The following SYT10 variants were observed in gnomAD, a reference collection of about 807,000 sequenced individuals.
SYT10 encodes synaptotagmin-10.
Under a neutral mutation model 51.1 loss-of-function variants are expected in SYT10, and 31 were observed. The ratio of observed to expected loss-of-function variants is 0.61; its 90% CI spans 0.46 to 0.82. The LOEUF (loss-of-function observed/expected upper bound fraction) is 0.82. Ranked by LOEUF, SYT10 falls within the 40% of genes least tolerant of loss-of-function variation. The pLI, the probability that SYT10 is intolerant of heterozygous loss-of-function variation, is 0.00. For missense variants in SYT10, 603 were observed against 634.0 expected (o/e 0.95, Z 0.53); for synonymous variants, 233 against 225.9 (o/e 1.03, Z -0.28).
At chr12:33,431,231 A>G (rs1866594402) in intron 1 of SYT10, among the ~76,000 whole-genome samples, 1 of 152,182 alleles carries the variant, frequency 6.6e-6, no homozygotes, top group East Asian at 1.9e-4. Flanking sequence ...CATCATTGCT[A>G]ACTTCCCAAG....
chr12:33,385,946 A>G (rs1386490419), intron 3 of SYT10, among the ~76,000 whole-genome samples: 1 of 152,234 alleles, frequency 6.6e-6, no homozygotes, highest in Admixed American at 6.5e-5. Context: ...ATGTAAGTGG[A>G]ATAACTTCAA....
intron 4 of SYT10, among the ~76,000 whole-genome samples, chr12:33,384,594 T>A (rs1425353342): frequency 6.6e-6 from 1 of 152,244 alleles, no homozygotes; most frequent in Non-Finnish European, 1.5e-5. Context: ...AAGCATGATG[T>A]ATCTTTATCT....
At chr12:33,379,401 G>A (rs1866093490) in intron 6 of SYT10, among the ~76,000 whole-genome samples, 1 of 151,878 alleles carries the variant, frequency 6.6e-6, no homozygotes, top group Non-Finnish European at 1.5e-5. Context: ...AGTTATATTA[G>A]GTGACAGCAC....
chr12:33,431,375 T>G (rs139912568), intron 1 of SYT10, among the ~76,000 whole-genome samples: 2 of 152,262 alleles, frequency 1.3e-5, no homozygotes, highest in African/African-American at 4.8e-5. Context: ...GGGAGATGAA[T>G]ACTGGGAAGC....
rs1408949037 is a variant in SYT10, at chr12:33,375,535, A to G, written c.*1295T>C. ...TAGATACCTTCCAACAGGGCCTGAAAATGGGACAAAATATGTTGACCTGAC... is the reference window on the plus strand; with the variant it reads ...TAGATACCTTCCAACAGGGCCTGAAGATGGGACAAAATATGTTGACCTGAC... On this transcript the variant is annotated 3_prime_UTR_variant, in exon 7 of 7. Coordinates refer to ENST00000228567, the MANE Select transcript of SYT10 (RefSeq NM_198992.4). 2.0e-5 allele frequency: 3 copies of G among 152,028 alleles called. No homozygotes were observed. Among genetic ancestry groups the G allele is most frequent in the African/African-American group, 7.2e-5 (3 of 41,420 alleles). 9.4% of individuals were successfully genotyped at this position (152,028 alleles called of 1,614,324 possible).
intron 2 of SYT10, among the ~76,000 whole-genome samples, chr12:33,424,687 A>G (rs867185083): frequency 4.7e-4 from 71 of 151,764 alleles, no homozygotes; most frequent in African/African-American, 1.6e-3. Flanking sequence ...TAAAACATGT[A>G]AAAAAAAGTG....
rs1293173058 is a variant in SYT10 at position 33,407,080 on chromosome 12, G to A, written c.786C>T (p.Asp262=). The A allele has an allele frequency of 2.5e-6, 4 of 1,614,032 alleles. No individual in the cohort carries two copies. The highest frequency in any genetic ancestry group is 3.4e-6 in the Non-Finnish European group (4 of 1,180,004). ...CATAAGGGTCAGAAGTTCCTGTGAAGTCTTTAGCAGGGAGATCTAAAGCTT... is the reference window on the plus strand; with the variant it reads ...CATAAGGGTCAGAAGTTCCTGTGAAATCTTTAGCAGGGAGATCTAAAGCTT... The part of the protein sequence containing the change: ...IIKALDLPAK[D]FTGTSDPYVK... The change falls in exon 3 of 7, where the codon GAC becomes GAT. Residue 262 remains aspartate (D), a synonymous_variant. Coordinates refer to ENST00000228567, the MANE Select transcript of SYT10 (RefSeq NM_198992.4).
chr12:33,429,841 A>G (rs1467046168), intron 1 of SYT10, among the ~76,000 whole-genome samples: 6 of 152,184 alleles, frequency 3.9e-5, no homozygotes, highest in Admixed American at 3.9e-4. Context: ...TATGATCATA[A>G]AAGAAAAGAG....
chr12:33,404,228 A>C (rs1866332032), intron 3 of SYT10, among the ~76,000 whole-genome samples: 1 of 152,044 alleles, frequency 6.6e-6, no homozygotes. Flanking sequence ...ATTTTCCTAG[A>C]TTACCCACTG....
chr12:33,384,021 A>G (rs999550513), intron 4 of SYT10, among the ~76,000 whole-genome samples: 14 of 152,182 alleles, frequency 9.2e-5, no homozygotes, highest in Non-Finnish European at 1.9e-4. Flanking sequence ...TGTAGAATTT[A>G]CTTGTTCTAC....
At position 33,379,565 on chromosome 12, in the gene SYT10, AAAAAAAAAAAAAAAAG is replaced by A. The variant is rs1459511202; in HGVS notation, c.1500+251_1500+266del. 4.6e-3 allele frequency among the ~76,000 whole-genome samples: 678 copies of A among 148,164 alleles called. 16 individuals are homozygous for A. Among genetic ancestry groups the A allele is most frequent in the African/African-American group, 0.016 (636 of 39,824 alleles). On this transcript the variant is annotated intron_variant, in intron 6 of 6. Transcript: ENST00000228567. The stretch of plus-strand genomic sequence containing the variant: ...CAGGCTATGCAAAAAAAAAAAAAAA[AAAAAAAAAAAAAAAAG>A]AGACTTGCAAATGGCTTACTGTCCA...
At chr12:33,397,880 C>T (rs1866270276) in intron 3 of SYT10, among the ~76,000 whole-genome samples, 1 of 151,964 alleles carries the variant, frequency 6.6e-6, no homozygotes, top group African/African-American at 2.4e-5. Context: ...AGGTATCAGT[C>T]AATAAGAAAG....
intron 5 of SYT10, among the ~76,000 whole-genome samples, chr12:33,381,994 G>A (rs569774371): frequency 4.6e-5 from 7 of 152,194 alleles, no homozygotes; most frequent in Admixed American, 1.3e-4. Context: ...GATAGAACTC[G>A]GGTAAGCATC....
At chr12:33,424,486 C>T (rs777781267) in intron 2 of SYT10, among the ~76,000 whole-genome samples, 24 of 151,934 alleles carry the variant, frequency 1.6e-4, no homozygotes, top group Non-Finnish European at 2.8e-4. Flanking sequence ...AGATTTTTAC[C>T]TTGAAATTTC....
intron 2 of SYT10, among the ~76,000 whole-genome samples, chr12:33,421,061 GAA>G (rs997615461): frequency 2.0e-5 from 3 of 152,062 alleles, no homozygotes; most frequent in Non-Finnish European, 4.4e-5. Flanking sequence ...TCTTTTCAGA[GAA>G]ATTTAATTTT....
intron 3 of SYT10, among the ~76,000 whole-genome samples, chr12:33,389,824 C>T (rs888715593): frequency 6.6e-6 from 1 of 152,162 alleles, no homozygotes; most frequent in African/African-American, 2.4e-5. Context: ...AGTTACTAGT[C>T]CTTCATCCAC....
rs527604583 is a variant in SYT10 at position 33,430,008 on chromosome 12, T to G, written c.152-3513A>C. Among the ~76,000 whole-genome samples, 97 of 152,314 alleles carry G rather than the reference T, an allele frequency of 6.4e-4. 1 individual carries two copies. Among genetic ancestry groups the G allele is most frequent in the African/African-American group, 2.2e-3 (91 of 41,576 alleles). Reference sequence around the variant, plus strand: ...TAGGCTCTCTAGCTCTAATTTTCACTGTCTCCGGATAATTAAAAAGAATCC... The same window carrying G: ...TAGGCTCTCTAGCTCTAATTTTCACGGTCTCCGGATAATTAAAAAGAATCC... On this transcript the variant is annotated intron_variant, in intron 1 of 6. Coordinates refer to ENST00000228567, the MANE Select transcript of SYT10 (RefSeq NM_198992.4).
chr12:33,411,971 A>G (rs1008897044), intron 2 of SYT10, among the ~76,000 whole-genome samples: 2 of 152,146 alleles, frequency 1.3e-5, no homozygotes, highest in Non-Finnish European at 2.9e-5. Flanking sequence ...TGCATATTCA[A>G]TATTCTTAAG....
intron 6 of SYT10, among the ~76,000 whole-genome samples, chr12:33,378,558 C>A (rs1866085423): frequency 6.6e-6 from 1 of 152,160 alleles, no homozygotes; most frequent in African/African-American, 2.4e-5. Flanking sequence ...TAGAATCCAC[C>A]TCTCCATTCA....
Sources: gnomAD v4.1 joint callset for allele counts (sites outside exome capture counted in the v4.1 genomes callset) on GRCh38, gnomAD v4.1.1 for gene constraint, MANE v1.5 for transcripts, NCBI Gene and HGNC (gene_info 2026-07-23, HGNC 2026-07-21) for gene names.